TIAM1: variants seen among roughly 807,000 people sequenced by gnomAD.
TIAM1 encodes TIAM Rac1 associated GEF 1, also known as rho guanine nucleotide exchange factor TIAM1.
Under a neutral mutation model 163.5 loss-of-function variants are expected in TIAM1, and 65 were observed. The observed-to-expected ratio is 0.40, with a 90% CI of 0.33 to 0.49. The LOEUF (loss-of-function observed/expected upper bound fraction) is 0.49. Among genes scored for constraint, TIAM1 ranks in the 20% least tolerant of loss-of-function variants. TIAM1 has a pLI of 0.77. For synonymous variants in TIAM1, 833 were observed against 810.1 expected (o/e 1.03, Z -0.48); for missense variants, 1,789 against 2,044.7 (o/e 0.87, Z 2.41).
In TIAM1 at chr21:31,141,605, A is replaced by G; in HGVS notation, c.3476-101T>C. 7.4e-7 allele frequency: 1 copy of G among 1,350,916 alleles called. No homozygotes were observed. Among genetic ancestry groups the G allele is most frequent in the Non-Finnish European group, 1.0e-6 (1 of 977,764 alleles). The allele number at this position is 1,350,916 out of a possible 1,614,324, so 83.7% of individuals were successfully genotyped here. On this transcript the variant is annotated intron_variant, in intron 20 of 27. Transcript: ENST00000541036. The surrounding 1 kb of genome is among the most constrained non-coding windows in gnomAD (Gnocchi z 4.7). Reference sequence around the variant, plus strand: ...CAGTGACTCCAAGGTGCCTTTTTGCAGGACTGAGCAGAGAGTGGGTGGCAG... The same window carrying G: ...CAGTGACTCCAAGGTGCCTTTTTGCGGGACTGAGCAGAGAGTGGGTGGCAG...
intron 2 of TIAM1, among the ~76,000 whole-genome samples, chr21:31,322,499 G>A (rs2075350700): frequency 6.6e-6 from 1 of 152,098 alleles, no homozygotes; most frequent in Non-Finnish European, 1.5e-5. Context: ...ACTGAAGCCT[G>A]GAGAATGACA....
intron 12 of TIAM1, among the ~76,000 whole-genome samples, chr21:31,198,072 T>TA (rs772708313): frequency 1.3e-5 from 2 of 152,200 alleles, no homozygotes; most frequent in Non-Finnish European, 2.9e-5. Flanking sequence ...TACTCTATCT[T>TA]AAAATGAAAA....
At chr21:31,434,729 A>T (rs514684) in intron 2 of TIAM1, among the ~76,000 whole-genome samples, 152,308 of 152,308 alleles carry the variant, frequency 1, 76,154 homozygotes, top group Non-Finnish European at 1. Context: ...GCGATAGCTC[A>T]GAGTGTGTGG....
At chr21:31,546,813 T>C (rs1284310101) in intron 1 of TIAM1, among the ~76,000 whole-genome samples, 1 of 151,682 alleles carries the variant, frequency 6.6e-6, no homozygotes, top group Non-Finnish European at 1.5e-5. Context: ...AAACCTTGAG[T>C]TTTCAAGTTT....
chr21:31,179,902 ATT>A (rs764892757), intron 15 of TIAM1, among the ~76,000 whole-genome samples: 17,619 of 130,496 alleles, frequency 0.14, 880 homozygotes, highest in Middle Eastern at 0.21. Context: ...ACATACACAG[ATT>A]TTTTTTTTTT....
intron 1 of TIAM1, among the ~76,000 whole-genome samples, chr21:31,490,194 T>C (rs1424447377): frequency 6.6e-6 from 1 of 152,166 alleles, no homozygotes; most frequent in Non-Finnish European, 1.5e-5. Context: ...ATTCTTCTAT[T>C]CCTGCCCTGT....
intron 1 of TIAM1, among the ~76,000 whole-genome samples, chr21:31,484,037 C>T (rs1294860282): frequency 6.6e-6 from 1 of 152,158 alleles, no homozygotes; most frequent in Non-Finnish European, 1.5e-5. Flanking sequence ...GATTAGTGCT[C>T]TTATAAAACA....
At position 31,124,526 on chromosome 21, in the gene TIAM1, C is replaced by T. The variant is rs1219367564; in HGVS notation, c.4302G>A (p.Arg1434=). The T allele has an allele frequency of 6.2e-7, 1 of 1,613,058 alleles. No homozygotes were observed. The part of the protein sequence containing the change: ...ALKGARPAMS[R]AVSAPSKSLG... Reference sequence around the variant, plus strand: ...ACGTCCGAATCCCCACAGTACCTGCCCTGCTCATGGCCGGCCTGGCCCCCT... The same window carrying T: ...ACGTCCGAATCCCCACAGTACCTGCTCTGCTCATGGCCGGCCTGGCCCCCT... The change falls in exon 27 of 28, where the codon AGG becomes AGA. Residue 1434 remains arginine (R), a synonymous_variant. Transcript: ENST00000541036.
intron 2 of TIAM1, among the ~76,000 whole-genome samples, chr21:31,361,444 T>C (rs2076404598): frequency 6.6e-6 from 1 of 152,064 alleles, no homozygotes. Flanking sequence ...GAGGCTTTCT[T>C]GGGGGCTGCC....
intron 2 of TIAM1, among the ~76,000 whole-genome samples, chr21:31,436,643 A>T (rs1008140144): frequency 5.9e-5 from 9 of 152,006 alleles, no homozygotes; most frequent in African/African-American, 2.2e-4. Context: ...AAATAAAAAT[A>T]AATAAATTAA....
chr21:31,318,698 G>A (rs1318894001), intron 2 of TIAM1, among the ~76,000 whole-genome samples: 1 of 152,074 alleles, frequency 6.6e-6, no homozygotes, highest in Non-Finnish European at 1.5e-5. Context: ...AGTCTGGGAG[G>A]GGAAAAAATG....
intron 2 of TIAM1, among the ~76,000 whole-genome samples, chr21:31,451,512 T>C (rs867351232): frequency 1.3e-5 from 2 of 152,200 alleles, no homozygotes; most frequent in Middle Eastern, 3.4e-3. Flanking sequence ...TGGGCCTAAG[T>C]GGACCAGAGT....
chr21:31,410,057 G>A (rs1303138350), intron 2 of TIAM1, among the ~76,000 whole-genome samples: 5 of 152,102 alleles, frequency 3.3e-5, no homozygotes, highest in South Asian at 2.1e-4. Flanking sequence ...AGTTATTAAA[G>A]TCAATGGAGG....
chr21:31,271,356 A>T (rs2073048453), intron 3 of TIAM1, among the ~76,000 whole-genome samples: 1 of 152,156 alleles, frequency 6.6e-6, no homozygotes, highest in South Asian at 2.1e-4. Flanking sequence ...CTAATGAGAC[A>T]CAGCACACAT....
At chr21:31,310,955 T>G (rs2074902477) in intron 2 of TIAM1, among the ~76,000 whole-genome samples, 1 of 152,190 alleles carries the variant, frequency 6.6e-6, no homozygotes, top group African/African-American at 2.4e-5. Context: ...AATGCAATCC[T>G]CTGACAAAGG....
At chr21:31,307,632 C>T (rs545764903) in intron 2 of TIAM1, among the ~76,000 whole-genome samples, 3 of 152,208 alleles carry the variant, frequency 2.0e-5, no homozygotes, top group East Asian at 1.9e-4. Flanking sequence ...TCTGATCAAC[C>T]CCACCAGCAT....
chr21:31,527,776 C>A (rs1328161816), intron 1 of TIAM1, among the ~76,000 whole-genome samples: 1 of 152,104 alleles, frequency 6.6e-6, no homozygotes, highest in African/African-American at 2.4e-5. Flanking sequence ...CTTAGAATCT[C>A]CTCAGTGTGT....
chr21:31,203,054 T>G (rs374603381), intron 11 of TIAM1, 42 bp from the exon 12 acceptor site: 2 of 1,491,480 alleles, frequency 1.3e-6, no homozygotes, highest in Non-Finnish European at 9.3e-7. Context: ...GTCTGTTCAA[T>G]AGTAAATAGG....
At chr21:31,535,943 T>C (rs1227971015) in intron 1 of TIAM1, among the ~76,000 whole-genome samples, 3 of 152,072 alleles carry the variant, frequency 2.0e-5, no homozygotes, top group Non-Finnish European at 2.9e-5. Context: ...TCTCAAGAAT[T>C]AGAGGCACGC....
Sources: allele counts gnomAD v4.1 joint callset (sites outside exome capture counted in the v4.1 genomes callset), GRCh38; gene constraint gnomAD v4.1.1; non-coding constraint Gnocchi (gnomAD v3.1); transcripts MANE v1.5; gene names NCBI Gene and HGNC (gene_info 2026-07-23, HGNC 2026-07-21).